FAF1: variants seen among roughly 807,000 people sequenced by gnomAD.
FAF1 encodes Fas associated factor 1, also known as FAS-associated factor 1.
In FAF1, 25 loss-of-function variants were observed where a neutral mutation model predicts 92.5. The ratio of observed to expected loss-of-function variants is 0.27; its 90% CI spans 0.20 to 0.38. FAF1 has a LOEUF of 0.38. Among genes scored for constraint, FAF1 ranks in the 10% least tolerant of loss-of-function variants. The pLI is 1.00. For missense variants in FAF1, 636 were observed against 793.3 expected (o/e 0.80, Z 2.38); for synonymous variants, 234 against 273.2 (o/e 0.86, Z 1.42).
In FAF1 at chr1:50,853,356, T is replaced by C. The variant is rs151022250; in HGVS notation, c.114+4573A>G. ...ATTTTCCTTAGTTTTGACTCTTCAG[T>C]GTATATGACTGTACTATAAGCTTCT... On this transcript the variant is annotated intron_variant, in intron 2 of 18. Transcript: ENST00000396153. 1.2e-4 allele frequency among the ~76,000 whole-genome samples: 18 copies of C among 152,274 alleles called. No homozygotes were observed. In the East Asian group the frequency reaches 3.3e-3, roughly 28 times the overall value.
At chr1:50,771,473 T>C (rs1158769409) in intron 4 of FAF1, among the ~76,000 whole-genome samples, 1 of 152,186 alleles carries the variant, frequency 6.6e-6, no homozygotes. Context: ...GATCAGATAC[T>C]TTTTGAAAGA....
At chr1:50,590,907 A>C (rs1651470509) in intron 9 of FAF1, among the ~76,000 whole-genome samples, 1 of 151,928 alleles carries the variant, frequency 6.6e-6, no homozygotes, top group Non-Finnish European at 1.5e-5. Context: ...ACTTGAACCC[A>C]GGAGGCGGAG....
At chr1:50,683,165 AAAAAAC>A (rs1484544942) in intron 7 of FAF1, among the ~76,000 whole-genome samples, 1 of 152,230 alleles carries the variant, frequency 6.6e-6, no homozygotes, top group African/African-American at 2.4e-5. Flanking sequence ...GTATTTTAAA[AAAAAAC>A]ATATATACAT....
intron 9 of FAF1, among the ~76,000 whole-genome samples, chr1:50,594,314 CAAAAAAA>C (rs57900829): frequency 3.7e-5 from 3 of 81,226 alleles, no homozygotes; most frequent in African/African-American, 1.2e-4. Context: ...GATCCTGTCT[CAAAAAAA>C]AAAAAAAAAA....
intron 4 of FAF1, among the ~76,000 whole-genome samples, chr1:50,764,436 A>G (rs1660486597): frequency 6.6e-6 from 1 of 152,210 alleles, no homozygotes. Flanking sequence ...CCTATGTAGC[A>G]ATCTTTCTCT....
chr1:50,860,260 C>T (rs955945506), intron 1 of FAF1, among the ~76,000 whole-genome samples: 1 of 151,824 alleles, frequency 6.6e-6, no homozygotes, highest in East Asian at 1.9e-4. Flanking sequence ...CAAGTTAGAC[C>T]TAATTATACT....
intron 18 of FAF1, among the ~76,000 whole-genome samples, chr1:50,456,675 T>C (rs1036001997): frequency 1.3e-5 from 2 of 152,218 alleles, no homozygotes; most frequent in African/African-American, 4.8e-5. Context: ...TAAGAAACCA[T>C]GCTAGGTCCT....
At chr1:50,719,672 C>T (rs1412343230) in intron 6 of FAF1, among the ~76,000 whole-genome samples, 2 of 152,156 alleles carry the variant, frequency 1.3e-5, no homozygotes, top group Admixed American at 1.3e-4. Flanking sequence ...AAACACAATT[C>T]TAACCATCTA....
chr1:50,485,183 A>G (rs900034985), intron 17 of FAF1, among the ~76,000 whole-genome samples: 2 of 151,166 alleles, frequency 1.3e-5, no homozygotes, highest in African/African-American at 4.9e-5. Context: ...CTGGCCTTGA[A>G]CTCCTAGGCT....
chr1:50,591,674 G>A (rs1284341984), intron 9 of FAF1, among the ~76,000 whole-genome samples: 194 of 93,554 alleles, frequency 2.1e-3, no homozygotes, highest in African/African-American at 2.3e-3. Context: ...CTCCATCTCA[G>A]AAAAAAAAAA....
At chr1:50,451,934 C>A in intron 18 of FAF1, 2 of 1,122,142 alleles carry the variant, frequency 1.8e-6, no homozygotes, top group South Asian at 2.2e-5. Flanking sequence ...TCGGGGACAC[C>A]CTGGGCACCA....
chr1:50,608,826 G>C (rs1273300315), intron 8 of FAF1, among the ~76,000 whole-genome samples: 1 of 152,092 alleles, frequency 6.6e-6, no homozygotes, highest in East Asian at 1.9e-4. Flanking sequence ...TGAAATCCTG[G>C]CTCTGCTGGT....
chr1:50,707,529 T>C (rs1048925848), intron 6 of FAF1, among the ~76,000 whole-genome samples: 4 of 151,656 alleles, frequency 2.6e-5, no homozygotes, highest in African/African-American at 9.7e-5. Flanking sequence ...TGAAACCTCG[T>C]CTCTATTAAA....
intron 7 of FAF1, among the ~76,000 whole-genome samples, chr1:50,681,108 A>T (rs1312071304): frequency 6.6e-6 from 1 of 152,130 alleles, no homozygotes; most frequent in Non-Finnish European, 1.5e-5. Flanking sequence ...GTGCAGTGGC[A>T]TGATCTCAGC....
intron 3 of FAF1, among the ~76,000 whole-genome samples, chr1:50,793,596 G>A (rs926140481): frequency 6.6e-6 from 1 of 152,112 alleles, no homozygotes; most frequent in African/African-American, 2.4e-5. Flanking sequence ...ACGTAAGAAG[G>A]GACCACTGGA....
chr1:50,797,293 C>T (rs1342052315), intron 3 of FAF1, among the ~76,000 whole-genome samples: 5 of 152,144 alleles, frequency 3.3e-5, no homozygotes. Flanking sequence ...TAACACTTCC[C>T]AGCTGTGAAA....
chr1:50,742,273 C>T (rs941676546), intron 5 of FAF1, among the ~76,000 whole-genome samples: 1 of 151,762 alleles, frequency 6.6e-6, no homozygotes, highest in Non-Finnish European at 1.5e-5. Context: ...ATGATTGTAC[C>T]GCTGCACTCC....
At position 50,846,795 on chromosome 1, in the gene FAF1, A is replaced by G; in HGVS notation, c.114+11134T>C. On this transcript the variant is annotated intron_variant, in intron 2 of 18. Coordinates refer to ENST00000396153, the MANE Select transcript of FAF1 (RefSeq NM_007051.3). ...AAAAGAATGTGAAGGGATTGTCCCAATCCCACTTAAAGGAAAATTATATTA... is the reference window on the plus strand; with the variant it reads ...AAAAGAATGTGAAGGGATTGTCCCAGTCCCACTTAAAGGAAAATTATATTA... The G allele has an allele frequency of 4.4e-6, 3 of 685,336 alleles. 1 individual carries two copies. Among genetic ancestry groups the G allele is most frequent in the Middle Eastern group, 3.6e-4 (1 of 2,778 alleles). The allele number at this position is 685,336 out of a possible 1,614,324, so 42.5% of individuals were successfully genotyped here.
chr1:50,896,820 A>G (rs1164952905), intron 1 of FAF1, among the ~76,000 whole-genome samples: 1 of 152,222 alleles, frequency 6.6e-6, no homozygotes, highest in Non-Finnish European at 1.5e-5. Flanking sequence ...ATGCATACAG[A>G]GTTTCAGTTT....
Sources: gnomAD v4.1 joint callset for allele counts (sites outside exome capture counted in the v4.1 genomes callset) on GRCh38, gnomAD v4.1.1 for gene constraint, MANE v1.5 for transcripts, NCBI Gene and HGNC (gene_info 2026-07-23, HGNC 2026-07-21) for gene names.